The following TUSC3 variants were observed in gnomAD, a reference collection of about 807,000 sequenced individuals.
TUSC3 encodes dolichyl-diphosphooligosaccharide--protein glycosyltransferase subunit TUSC3.
Under a neutral mutation model 44.8 loss-of-function variants are expected in TUSC3, and 45 were observed. That is an observed-to-expected ratio of 1.00 (90% CI 0.79 to 1.29). The LOEUF (loss-of-function observed/expected upper bound fraction) is 1.29, where lower values mean the gene tolerates loss of function less well. Among genes scored for constraint, TUSC3 ranks in the 50% most tolerant of loss-of-function variants. The pLI, the probability that TUSC3 is intolerant of heterozygous loss-of-function variation, is 0.00. For missense variants in TUSC3, 519 were observed against 437.9 expected (o/e 1.19, Z -1.65); for synonymous variants, 212 against 152.9 (o/e 1.39, Z -2.85).
At chr8:15,467,118 G>A (rs371468196) in intron 1 of TUSC3, among the ~76,000 whole-genome samples, 50 of 152,034 alleles carry the variant, frequency 3.3e-4, no homozygotes, top group African/African-American at 1.2e-3. Flanking sequence ...TCAGAAAGGA[G>A]GCATAAATGT....
At chr8:15,603,264 A>G (rs1287804222) in intron 1 of TUSC3, among the ~76,000 whole-genome samples, 3 of 151,782 alleles carry the variant, frequency 2.0e-5, no homozygotes, top group Non-Finnish European at 4.4e-5. Context: ...CAATATATGT[A>G]TAATGTCATT....
intron 6 of TUSC3, among the ~76,000 whole-genome samples, chr8:15,718,221 A>G (rs903284524): frequency 6.6e-6 from 1 of 152,130 alleles, no homozygotes; most frequent in Admixed American, 6.6e-5. Flanking sequence ...CAAGCGTGAT[A>G]CATTAAACAT....
In TUSC3 at chr8:15,546,696, T is replaced by A. The variant is rs925036783; in HGVS notation, c.138+6128T>A. 1.2e-4 allele frequency among the ~76,000 whole-genome samples: 18 copies of A among 151,442 alleles called. 2 individuals are homozygous for A. Among genetic ancestry groups the A allele is most frequent in the Non-Finnish European group, 5.9e-5 (4 of 67,820 alleles). On this transcript the variant is annotated intron_variant, in intron 1 of 10. Transcript: ENST00000503731. ...GATTACAGGCATACGCCACCATGCC[T>A]GGCTAATTTCGTATTTTTAGTAGAG...
At chr8:15,762,286 T>G (rs1812194763) in intron 10 of TUSC3, among the ~76,000 whole-genome samples, 1 of 151,968 alleles carries the variant, frequency 6.6e-6, no homozygotes, top group Non-Finnish European at 1.5e-5. Flanking sequence ...TGTCCTACAA[T>G]AAAGGATACA....
At chr8:15,828,873 G>A in the TUSC3 span, among the ~76,000 whole-genome samples, 1 of 152,018 alleles carries the variant, frequency 6.6e-6, no homozygotes, top group East Asian at 1.9e-4. Flanking sequence ...TTTCGTCACT[G>A]GAGGAGGAAG....
intron 1 of TUSC3, among the ~76,000 whole-genome samples, chr8:15,550,828 C>A (rs1189425301): frequency 6.6e-6 from 1 of 151,542 alleles, no homozygotes; most frequent in Non-Finnish European, 1.5e-5. Flanking sequence ...TGCACCACAA[C>A]ACTTGGCTAA....
At chr8:15,556,007 T>C (rs1563287693) in intron 1 of TUSC3, among the ~76,000 whole-genome samples, 1 of 151,220 alleles carries the variant, frequency 6.6e-6, no homozygotes, top group South Asian at 2.1e-4. Context: ...TTTTATTTTT[T>C]ATTTTTTTTT....
the TUSC3 span, among the ~76,000 whole-genome samples, chr8:15,778,573 A>G: frequency 3.2e-4 from 49 of 152,278 alleles, no homozygotes; most frequent in Middle Eastern, 3.4e-3. Flanking sequence ...ATTAGGTAAC[A>G]CAGTAAGTTT....
intron 6 of TUSC3, among the ~76,000 whole-genome samples, chr8:15,686,367 C>G (rs184321200): frequency 4.7e-4 from 71 of 151,738 alleles, no homozygotes; most frequent in Non-Finnish European, 9.1e-4. Context: ...AGATATAGTC[C>G]AAAAATTTTC....
At chr8:15,667,879 C>A (rs1295741116) in intron 5 of TUSC3, among the ~76,000 whole-genome samples, 1 of 151,660 alleles carries the variant, frequency 6.6e-6, no homozygotes, top group Non-Finnish European at 1.5e-5. Context: ...GCGTGAACAT[C>A]TTGACCCTTT....
chr8:15,739,989 A>T (rs1811120067), intron 7 of TUSC3, among the ~76,000 whole-genome samples: 1 of 152,208 alleles, frequency 6.6e-6, no homozygotes, highest in African/African-American at 2.4e-5. Flanking sequence ...AATAAAACAA[A>T]GTTCTTGCCC....
rs371792364 is a variant in TUSC3 at position 15,743,623 on chromosome 8, G to A, written c.937+11G>A. The stretch of plus-strand genomic sequence containing the variant: ...TTGGAAAAAGACGGAGTAAGTCTCT[G>A]TGTTGCCATTTTTGTAATTTCGTTT... On this transcript the variant is annotated intron_variant, in intron 8 of 10. Transcript: ENST00000503731. The A allele has an allele frequency of 6.2e-7, 1 of 1,613,688 alleles. No homozygotes were observed. The highest frequency in any genetic ancestry group is 1.1e-5 in the South Asian group (1 of 91,078).
At chr8:15,664,930 A>C (rs1807590875) in intron 5 of TUSC3, among the ~76,000 whole-genome samples, 2 of 151,066 alleles carry the variant, frequency 1.3e-5, no homozygotes, top group Non-Finnish European at 3.0e-5. Context: ...ATCACCACCA[A>C]ACTTGATTGT....
chr8:15,508,041 C>T (rs1249099838), intron 2 of TUSC3, among the ~76,000 whole-genome samples: 6 of 151,958 alleles, frequency 3.9e-5, no homozygotes, highest in East Asian at 3.9e-4. Context: ...CAGGAGTTCA[C>T]GGCCAGCCTG....
intron 2 of TUSC3, among the ~76,000 whole-genome samples, chr8:15,510,070 G>C (rs543231810): frequency 6.6e-6 from 1 of 152,230 alleles, no homozygotes; most frequent in African/African-American, 2.4e-5. Flanking sequence ...CTCCCTGGGA[G>C]GCTGAGGGGG....
chr8:15,651,692 C>G (rs1472461457), intron 3 of TUSC3, among the ~76,000 whole-genome samples: 3 of 152,160 alleles, frequency 2.0e-5, no homozygotes, highest in Non-Finnish European at 4.4e-5. Context: ...TTTGAGTCTT[C>G]AGAACTGTGA....
chr8:15,745,331 G>A lies in TUSC3; in HGVS notation c.937+1719G>A, dbSNP rs181304198. On this transcript the variant is annotated intron_variant, in intron 8 of 10. Transcript: ENST00000503731. Reference sequence around the variant, plus strand: ...TTTCTTTGGGTGTATACCCAGTAAGGGGGTTGCTGGGCCAAAGGTAGCACT... The same window carrying A: ...TTTCTTTGGGTGTATACCCAGTAAGAGGGTTGCTGGGCCAAAGGTAGCACT... 2.8e-3 allele frequency among the ~76,000 whole-genome samples: 424 copies of A among 152,100 alleles called. 12 individuals are homozygous for A. Among genetic ancestry groups the A allele is most frequent in the South Asian group, 1.4e-3 (7 of 4,828 alleles).
At chr8:15,812,758 C>G in the TUSC3 span, among the ~76,000 whole-genome samples, 1 of 151,810 alleles carries the variant, frequency 6.6e-6, no homozygotes. Context: ...ATTCCAATAG[C>G]TCACGGAATG....
the TUSC3 span, among the ~76,000 whole-genome samples, chr8:15,840,028 C>A: frequency 8.5e-5 from 13 of 152,118 alleles, no homozygotes; most frequent in Non-Finnish European, 1.6e-4. Context: ...ACATATACAC[C>A]ATGGAATACT....
Sources: allele counts gnomAD v4.1 joint callset (sites outside exome capture counted in the v4.1 genomes callset), GRCh38; gene constraint gnomAD v4.1.1; transcripts MANE v1.5; gene names NCBI Gene and HGNC (gene_info 2026-07-23, HGNC 2026-07-21).